The following SLC4A4 variants were observed in gnomAD, a reference collection of about 807,000 sequenced individuals.
The protein encoded by SLC4A4 is electrogenic sodium bicarbonate cotransporter 1.
A neutral mutation model predicts 111.5 loss-of-function variants in SLC4A4; 27 were observed. The ratio of observed to expected loss-of-function variants is 0.24; its 90% CI spans 0.18 to 0.33. The LOEUF is 0.33. SLC4A4 is among the 10% of genes least tolerant of loss of function. The pLI is 1.00. For missense variants in SLC4A4, 909 were observed against 1,315.5 expected (o/e 0.69, Z 4.78); for synonymous variants, 443 against 463.4 (o/e 0.96, Z 0.57).
chr4:71,247,504 T>C (rs1210702914), intron 2 of SLC4A4, among the ~76,000 whole-genome samples: 1 of 152,132 alleles, frequency 6.6e-6, no homozygotes, highest in Non-Finnish European at 1.5e-5. Flanking sequence ...GAAGCCATAA[T>C]AGAGTCAGAG....
intron 7 of SLC4A4, among the ~76,000 whole-genome samples, chr4:71,426,802 C>A (rs927964910): frequency 2.0e-5 from 3 of 152,028 alleles, no homozygotes; most frequent in Non-Finnish European, 2.9e-5. Context: ...CAGGAAGATA[C>A]CAACTCAGAC....
chr4:71,099,152 A>C (rs1187891748), intron 2 of SLC4A4, among the ~76,000 whole-genome samples: 3 of 152,188 alleles, frequency 2.0e-5, no homozygotes, highest in Non-Finnish European at 2.9e-5. Flanking sequence ...ACAACAGAAT[A>C]TACATTCTTC....
intron 2 of SLC4A4, among the ~76,000 whole-genome samples, chr4:71,177,819 C>T (rs536059353): frequency 2.8e-4 from 43 of 152,234 alleles, no homozygotes; most frequent in African/African-American, 8.4e-4. Flanking sequence ...CAGCTCTGCA[C>T]CAAGCGGACC....
At chr4:71,407,338 T>C (rs1441992365) in intron 7 of SLC4A4, among the ~76,000 whole-genome samples, 1 of 152,182 alleles carries the variant, frequency 6.6e-6, no homozygotes, top group Non-Finnish European at 1.5e-5. Flanking sequence ...ACTCTGGATG[T>C]CATTGGTGAA....
intron 2 of SLC4A4, among the ~76,000 whole-genome samples, chr4:71,239,219 A>G (rs1720016484): frequency 6.6e-6 from 1 of 152,212 alleles, no homozygotes; most frequent in Admixed American, 6.5e-5. Context: ...TAGGATAAAC[A>G]TAGAAGTTTA....
At chr4:71,145,647 G>C (rs867855131) in intron 2 of SLC4A4, among the ~76,000 whole-genome samples, 4 of 152,144 alleles carry the variant, frequency 2.6e-5, no homozygotes, top group Non-Finnish European at 5.9e-5. Flanking sequence ...TGTATTCAGA[G>C]ATTCAACTTC....
rs1199441930 is a variant in SLC4A4 at position 71,568,413 on chromosome 4, T to C, written c.*662T>C. 1.3e-5 allele frequency: 2 copies of C among 152,198 alleles called. No individual in the cohort carries two copies. The highest frequency in any genetic ancestry group is 6.6e-5 in the Admixed American group (1 of 15,188). 9.4% of individuals were successfully genotyped at this position (152,198 alleles called of 1,614,324 possible). ...CTTGTAAATCCTAATCTTAGAGTTA[T>C]CAAAAGAAGAAAAAACTGAAGGTAC... On this transcript the variant is annotated 3_prime_UTR_variant, in exon 26 of 26. Coordinates refer to ENST00000264485, the MANE Select transcript of SLC4A4 (RefSeq NM_001098484.3).
intron 2 of SLC4A4, among the ~76,000 whole-genome samples, chr4:71,154,689 G>A (rs530171887): frequency 5.9e-5 from 9 of 152,180 alleles, no homozygotes; most frequent in African/African-American, 1.9e-4. Flanking sequence ...AAATAGAAAT[G>A]CTAAAATAAG....
intron 14 of SLC4A4, among the ~76,000 whole-genome samples, chr4:71,475,265 A>G (rs1246280725): frequency 6.6e-6 from 1 of 151,776 alleles, no homozygotes; most frequent in African/African-American, 2.4e-5. Context: ...TACCTACCTG[A>G]GGCGAATGGA....
chr4:71,551,578 T>C (rs1033201469), intron 20 of SLC4A4, among the ~76,000 whole-genome samples: 3 of 151,894 alleles, frequency 2.0e-5, no homozygotes, highest in African/African-American at 7.2e-5. Context: ...GGTTACAAAG[T>C]TCGTAAATAA....
intron 23 of SLC4A4, among the ~76,000 whole-genome samples, chr4:71,562,170 T>A (rs886487713): frequency 1.3e-5 from 2 of 151,804 alleles, no homozygotes; most frequent in Admixed American, 6.6e-5. Context: ...GAAGCCAAAG[T>A]GTCGTACTTG....
intron 2 of SLC4A4, among the ~76,000 whole-genome samples, chr4:71,108,949 T>A (rs756174958): frequency 4.4e-4 from 67 of 152,288 alleles, no homozygotes; most frequent in Admixed American, 1.2e-3. Flanking sequence ...ATTTTAAGCC[T>A]TTATCTAGTT....
chr4:71,101,902 T>G (rs1252230870), intron 2 of SLC4A4, among the ~76,000 whole-genome samples: 1 of 151,638 alleles, frequency 6.6e-6, no homozygotes, highest in African/African-American at 2.4e-5. Flanking sequence ...TCACCAGCAA[T>G]GGAACAAAGC....
chr4:71,411,542 T>A (rs951874793), intron 7 of SLC4A4, among the ~76,000 whole-genome samples: 2 of 152,216 alleles, frequency 1.3e-5, no homozygotes, highest in African/African-American at 4.8e-5. Context: ...AGAAATGATA[T>A]CCAGCCATCT....
chr4:71,345,352 T>C (rs535232675), intron 4 of SLC4A4, among the ~76,000 whole-genome samples: 1 of 152,242 alleles, frequency 6.6e-6, no homozygotes, highest in East Asian at 1.9e-4. Context: ...AGTAGGGATA[T>C]CTCTGCAAAA....
In SLC4A4 at chr4:71,176,632, A is replaced by C. The variant is rs571181724; in HGVS notation, c.-1-59944A>C. Among the ~76,000 whole-genome samples, 6 of 152,288 alleles carry C rather than the reference A, an allele frequency of 3.9e-5. No homozygotes were observed. In the East Asian group the frequency reaches 1.2e-3, roughly 29 times the overall value. ...AGCGAGAAGAGAAGTTTAGAGAAAA[A>C]AGAATAAAAAGAAATGAACAAAGCC... On this transcript the variant is annotated intron_variant, in intron 2 of 26. Transcript: ENST00000649996.
chr4:71,398,603 G>T (rs1413322819), intron 7 of SLC4A4, among the ~76,000 whole-genome samples: 1 of 152,074 alleles, frequency 6.6e-6, no homozygotes, highest in Non-Finnish European at 1.5e-5. Context: ...AGAAATGAAA[G>T]CAATATATTT....
intron 2 of SLC4A4, among the ~76,000 whole-genome samples, chr4:71,096,845 C>T (rs1290326073): frequency 6.6e-6 from 1 of 152,116 alleles, no homozygotes; most frequent in Non-Finnish European, 1.5e-5. Context: ...TTTTGTCTAC[C>T]TTGTTTTAAT....
chr4:71,495,614 A>C (rs891878711), intron 15 of SLC4A4, among the ~76,000 whole-genome samples: 1 of 151,606 alleles, frequency 6.6e-6, no homozygotes, highest in Non-Finnish European at 1.5e-5. Context: ...GAGCTCTATA[A>C]AAAAATGAAC....
Sources: gnomAD v4.1 joint callset for allele counts (sites outside exome capture counted in the v4.1 genomes callset) on GRCh38, gnomAD v4.1.1 for gene constraint, MANE v1.5 for transcripts, NCBI Gene and HGNC (gene_info 2026-07-23, HGNC 2026-07-21) for gene names.